Variants in ARRDC1 observed in about 807,000 individuals in gnomAD.
The protein encoded by ARRDC1 is arrestin domain-containing protein 1.
In ARRDC1, 37 loss-of-function variants were observed where a neutral mutation model predicts 40.1. That is an observed-to-expected ratio of 0.92 (90% CI 0.71 to 1.21). The LOEUF is 1.21. ARRDC1 is among the 50% of genes most tolerant of loss of function. The pLI is 0.00. For missense variants in ARRDC1, 641 were observed against 581.9 expected (o/e 1.10, Z -1.04); for synonymous variants, 310 against 262.5 (o/e 1.18, Z -1.75).
At chr9:137,607,229 CG>C (rs1842439571) in intron 1 of ARRDC1, among the ~76,000 whole-genome samples, 1 of 152,210 alleles carries the variant, frequency 6.6e-6, no homozygotes, top group South Asian at 2.1e-4. Context: ...CCGGGGCCCC[CG>C]GGGGTTTCCC....
intron 1 of ARRDC1, among the ~76,000 whole-genome samples, chr9:137,607,552 A>G (rs746557422): frequency 6.6e-6 from 1 of 152,142 alleles, no homozygotes; most frequent in Non-Finnish European, 1.5e-5. Context: ...TTCTGCTGTT[A>G]CTGGGATGGG....
chr9:137,612,901 C>T lies in ARRDC1; in HGVS notation c.124C>T (p.Arg42Trp), dbSNP rs374081670. ...LGAPLPFRAI[R>W]VTCIGSCGVS... ...TGCAGCCATCCCCTTTGCAGCCATC[C>T]GGGTGACCTGCATAGGTTCCTGCGG... is the stretch of plus-strand genomic sequence containing the variant. The change falls in exon 2 of 8, where the codon CGG becomes TGG. Residue 42 changes from arginine (R) to tryptophan (W), a missense_variant. Transcript: ENST00000371421. 4.0e-5 allele frequency: 64 copies of T among 1,613,238 alleles called. No homozygotes were observed. The highest frequency in any genetic ancestry group is 3.3e-4 in the Middle Eastern group (2 of 6,078).
In ARRDC1 at chr9:137,615,119, G is replaced by A; in HGVS notation, c.1283G>A (p.Ser428Asn). The change falls in exon 8 of 8, where the codon AGC becomes AAC. Residue 428 changes from serine (S) to asparagine (N), a missense_variant. Transcript: ENST00000371421. Reference protein sequence around the residue: ...YEQSCGGVEPSLTPES With the variant: ...YEQSCGGVEPNLTPES The stretch of plus-strand genomic sequence containing the variant: ...CAGAGCTGCGGCGGCGTGGAACCCA[G>A]CCTGACCCCTGAGAGCTGACCCCGT... The A allele has an allele frequency of 1.9e-6, 3 of 1,551,180 alleles. No homozygotes were observed. Among genetic ancestry groups the A allele is most frequent in the Admixed American group, 1.9e-5 (1 of 53,678 alleles).
At chr9:137,607,310 C>T (rs563156686) in intron 1 of ARRDC1, among the ~76,000 whole-genome samples, 1 of 152,240 alleles carries the variant, frequency 6.6e-6, no homozygotes, top group Non-Finnish European at 1.5e-5. Context: ...GCTTGTCAAT[C>T]CTGCTAGGAG....
Position 137,614,228 on chromosome 9 carries a change from C to G in ARRDC1, c.618+14C>G. The G allele has an allele frequency of 6.3e-7, 1 of 1,583,036 alleles. No individual in the cohort carries two copies. The highest frequency in any genetic ancestry group is 8.6e-7 in the Non-Finnish European group (1 of 1,160,858). ...AGTCTGCTGCAGGTCAGAGCCCCCG[C>G]CAGTTGCCTGGACCGGCCTCCTGGG... On this transcript the variant is annotated intron_variant, in intron 5 of 7. Coordinates refer to ENST00000371421, the MANE Select transcript of ARRDC1 (RefSeq NM_152285.4).
At chr9:137,608,458 G>A (rs1171187206) in intron 1 of ARRDC1, among the ~76,000 whole-genome samples, 1 of 152,220 alleles carries the variant, frequency 6.6e-6, no homozygotes, top group African/African-American at 2.4e-5. Flanking sequence ...GTTGCGAAAG[G>A]CTCGGTTCCC....
intron 1 of ARRDC1, among the ~76,000 whole-genome samples, chr9:137,608,848 G>A (rs1320386621): frequency 1.3e-5 from 2 of 152,192 alleles, no homozygotes; most frequent in South Asian, 2.1e-4. Context: ...GTTTCACTTT[G>A]GACAGTGGTT....
In ARRDC1 at chr9:137,614,403, G is replaced by A; in HGVS notation, c.723G>A (p.Gln241=). ...GGCGGCGGGCGCAGTGGCACGAGCA[G>A]ATCCTGGTGCCTGCCTTGCCCCAGT... The part of the protein sequence containing the change: ...KAWRRAQWHE[Q]ILVPALPQSA... Residue 241 remains glutamine, a synonymous_variant, in exon 6 of 8, where the codon CAG becomes CAA. Coordinates refer to ENST00000371421, the MANE Select transcript of ARRDC1 (RefSeq NM_152285.4). The A allele has an allele frequency of 6.2e-7, 1 of 1,613,196 alleles. No homozygotes were observed. Among genetic ancestry groups the A allele is most frequent in the Non-Finnish European group, 8.5e-7 (1 of 1,179,926 alleles).
chr9:137,607,012 G>A (rs1406514915), intron 1 of ARRDC1, among the ~76,000 whole-genome samples: 1 of 151,022 alleles, frequency 6.6e-6, no homozygotes, highest in African/African-American at 2.5e-5. Flanking sequence ...GGACGTGGTG[G>A]GTGGGTTGAA....
chr9:137,608,035 T>A (rs957432812), intron 1 of ARRDC1, among the ~76,000 whole-genome samples: 1 of 152,110 alleles, frequency 6.6e-6, no homozygotes, highest in Non-Finnish European at 1.5e-5. Context: ...CAGGCTGGAG[T>A]GTGCCGGCGC....
rs947380546 is a variant in ARRDC1, at chr9:137,612,813, C to T, written c.119-83C>T. ...CCCTGCCCAGGTGGTGCTGCTTGGCCCCAGGTCGAATTCCTGTGCTGGCAG... is the reference window on the plus strand; with the variant it reads ...CCCTGCCCAGGTGGTGCTGCTTGGCTCCAGGTCGAATTCCTGTGCTGGCAG... On this transcript the variant is annotated intron_variant, in intron 1 of 7. Coordinates refer to ENST00000371421, the MANE Select transcript of ARRDC1 (RefSeq NM_152285.4). 32 of 1,085,404 alleles carry T rather than the reference C, an allele frequency of 2.9e-5. No homozygotes were observed. The East Asian group carries it at 8.0e-4, about 27-fold the overall frequency. 67.2% of individuals were successfully genotyped at this position (1,085,404 alleles called of 1,614,324 possible).
At chr9:137,612,611 A>G in intron 1 of ARRDC1, 1 of 362,342 alleles carries the variant, frequency 2.8e-6, no homozygotes, top group African/African-American at 2.2e-5. Context: ...CTGGGGGGTA[A>G]CCCAGCCATC....
At position 137,613,265 on chromosome 9, in the gene ARRDC1, C is replaced by A. The variant is rs74547997; in HGVS notation, c.230-195C>A. ...ACCCTTGCCCCATTCCCAAACCACTCTCCTGTTCAAGCCAAGCTCTTATCC... is the reference window on the plus strand; with the variant it reads ...ACCCTTGCCCCATTCCCAAACCACTATCCTGTTCAAGCCAAGCTCTTATCC... On this transcript the variant is annotated intron_variant, in intron 2 of 7. Transcript: ENST00000371421. 3.7e-3 allele frequency: 2,870 copies of A among 767,600 alleles called. 58 individuals carry two copies. In the African/African-American group the frequency reaches 0.043, roughly 12 times the overall value. 47.5% of individuals were successfully genotyped at this position (767,600 alleles called of 1,614,324 possible). A position where few individuals can be genotyped will look rare whatever the true frequency, so the allele number is the denominator to read the frequency against.
chr9:137,614,029 A>G lies in ARRDC1; in HGVS notation c.436-3A>G, dbSNP rs1400039254. On this transcript the variant is annotated splice_region_variant and splice_polypyrimidine_tract_variant and intron_variant, in intron 4 of 7. Transcript: ENST00000371421. ...TAAGCCCCTCCCTGGCCCTCCCCCC[A>G]AGCAACCCAACGTGGCCTCTGCCAC... is the stretch of plus-strand genomic sequence containing the variant. 1.9e-6 allele frequency: 3 copies of G among 1,612,770 alleles called. No individual in the cohort carries two copies. The highest frequency in any genetic ancestry group is 2.5e-6 in the Non-Finnish European group (3 of 1,179,694).
intron 1 of ARRDC1, among the ~76,000 whole-genome samples, chr9:137,610,245 G>A (rs902012830): frequency 5.9e-5 from 9 of 152,150 alleles, no homozygotes; most frequent in Admixed American, 2.6e-4. Context: ...ATCTCACAGC[G>A]TTGTGGGTTA....
Position 137,615,301 on chromosome 9 carries a change from G to A in ARRDC1, c.*163G>A. On this transcript the variant is annotated 3_prime_UTR_variant, in exon 8 of 8. Transcript: ENST00000371421. The stretch of plus-strand genomic sequence containing the variant: ...TCTTCTCCCTGGGGCTGGGGTGGGG[G>A]TGGCAGGGAGCTGGGACCTGGAGAG... The A allele has an allele frequency of 1.5e-6, 1 of 674,674 alleles. No individual in the cohort carries two copies. The highest frequency in any genetic ancestry group is 3.0e-5 in the East Asian group (1 of 33,348). The allele number at this position is 674,674 out of a possible 1,614,324, so 41.8% of individuals were successfully genotyped here.
chr9:137,612,706 T>A, intron 1 of ARRDC1, 190 bp from the exon 2 acceptor site: 1 of 564,076 alleles, frequency 1.8e-6, no homozygotes, highest in Non-Finnish European at 3.1e-6. Flanking sequence ...CCTGCCTGAT[T>A]CCCTTGGAGC....
In ARRDC1 at chr9:137,614,231, G is replaced by A; in HGVS notation, c.618+17G>A. The A allele has an allele frequency of 1.3e-6, 2 of 1,582,226 alleles. No homozygotes were observed. Among genetic ancestry groups the A allele is most frequent in the Admixed American group, 3.4e-5 (2 of 58,106 alleles). ...CTGCTGCAGGTCAGAGCCCCCGCCA[G>A]TTGCCTGGACCGGCCTCCTGGGGTG... On this transcript the variant is annotated intron_variant, in intron 5 of 7. Coordinates refer to ENST00000371421, the MANE Select transcript of ARRDC1 (RefSeq NM_152285.4).
At position 137,614,292 on chromosome 9, in the gene ARRDC1, T is replaced by C; in HGVS notation, c.619-7T>C. 1 of 1,586,260 alleles carries C rather than the reference T, an allele frequency of 6.3e-7. No individual in the cohort carries two copies. Among genetic ancestry groups the C allele is most frequent in the South Asian group, 1.1e-5 (1 of 86,964 alleles). On this transcript the variant is annotated splice_region_variant and splice_polypyrimidine_tract_variant and intron_variant, in intron 5 of 7. Coordinates refer to ENST00000371421, the MANE Select transcript of ARRDC1 (RefSeq NM_152285.4). ...CTGCGCAGGCTCACAGGCTGGTCCT[T>C]CCCCAGAAAGTGTCCTATAAGGCCA...
Sources: allele counts gnomAD v4.1 joint callset (sites outside exome capture counted in the v4.1 genomes callset), GRCh38; gene constraint gnomAD v4.1.1; transcripts MANE v1.5; gene names NCBI Gene and HGNC (gene_info 2026-07-23, HGNC 2026-07-21).